The following COL6A5 variants were observed in gnomAD, a reference collection of about 807,000 sequenced individuals.
COL6A5 encodes collagen alpha-5(VI) chain.
Under a neutral mutation model 65.6 loss-of-function variants are expected in COL6A5, and 48 were observed. That is an observed-to-expected ratio of 0.73 (90% CI 0.58 to 0.93). COL6A5 has a LOEUF of 0.93. Among genes scored for constraint, COL6A5 ranks in the 40% least tolerant of loss-of-function variants. The pLI is 0.00. For missense variants in COL6A5, 914 were observed against 928.3 expected (o/e 0.98, Z 0.20); for synonymous variants, 291 against 322.8 (o/e 0.90, Z 1.05).
intron 3 of COL6A5, among the ~76,000 whole-genome samples, chr3:130,378,196 C>T (rs1935857405): frequency 6.6e-6 from 1 of 152,100 alleles, no homozygotes; most frequent in Admixed American, 6.5e-5. Flanking sequence ...CTCTTCAATA[C>T]TCAGTAGTTT....
intron 16 of COL6A5, 23 bp downstream of exon 16, chr3:130,406,198 T>G (rs1418577889): frequency 6.5e-7 from 1 of 1,550,258 alleles, no homozygotes; most frequent in African/African-American, 1.4e-5. Context: ...TCTTCAAGTA[T>G]CATAAAACTG....
At chr3:130,388,849 C>A (rs1936291829) in exon 6 of COL6A5, 2 of 1,551,350 alleles carry the variant, frequency 1.3e-6, no homozygotes, top group Non-Finnish European at 1.7e-6. Flanking sequence ...TGGAAAGGCA[C>A]TAAATTTTGT....
chr3:130,472,297 T>C (rs1324147569), intron 7 of COL6A5, among the ~76,000 whole-genome samples: 3 of 151,940 alleles, frequency 2.0e-5, no homozygotes, highest in African/African-American at 7.2e-5. Flanking sequence ...CGAGATCTGC[T>C]CTCTCCCTTA....
intron 6 of COL6A5, among the ~76,000 whole-genome samples, 168 bp from the exon 39 acceptor site, chr3:130,470,703 T>A (rs1358388591): frequency 6.6e-6 from 1 of 152,066 alleles, no homozygotes; most frequent in East Asian, 1.9e-4. Flanking sequence ...CTTCTTGACT[T>A]TGCCAAGAAC....
At chr3:130,443,246 G>A (rs1709227830) in intron 3 of COL6A5, among the ~76,000 whole-genome samples, 2 of 152,108 alleles carry the variant, frequency 1.3e-5, no homozygotes, top group African/African-American at 4.8e-5. Context: ...TGAACAATTT[G>A]AGGAGGTCTG....
chr3:130,405,523 A>G (rs1936955032), intron 13 of COL6A5, 65 bp from the exon 14 acceptor site: 2 of 1,196,402 alleles, frequency 1.7e-6, no homozygotes, highest in Non-Finnish European at 2.4e-6. Context: ...CTCTGTGAAA[A>G]TAAACCACTG....
chr3:130,478,697 G>A (rs1710157747), intron 7 of COL6A5, among the ~76,000 whole-genome samples: 1 of 152,036 alleles, frequency 6.6e-6, no homozygotes, highest in Non-Finnish European at 1.5e-5. Context: ...GGGGTGCAGT[G>A]GGGATTGTCA....
At chr3:130,367,297 G>A (rs1935376807) in intron 1 of COL6A5, among the ~76,000 whole-genome samples, 1 of 152,174 alleles carries the variant, frequency 6.6e-6, no homozygotes, top group Non-Finnish European at 1.5e-5. Context: ...CGGATGTGCT[G>A]TGTAATCCAG....
At chr3:130,385,725 TTGTG>T (rs1048785524) in intron 5 of COL6A5, among the ~76,000 whole-genome samples, 3 of 151,974 alleles carry the variant, frequency 2.0e-5, no homozygotes, top group Non-Finnish European at 4.4e-5. Flanking sequence ...AGTACAGTGT[TTGTG>T]TGTGCACAGG....
At chr3:130,416,600 T>C (rs1937343999) in intron 23 of COL6A5, among the ~76,000 whole-genome samples, 157 bp from the exon 24 acceptor site, 1 of 152,146 alleles carries the variant, frequency 6.6e-6, no homozygotes, top group South Asian at 2.1e-4. Context: ...CTGGTTCAGC[T>C]CTGCCATCTG....
At chr3:130,431,626 G>A in exon 1 of COL6A5, 1 of 1,551,494 alleles carries the variant, frequency 6.4e-7, no homozygotes, top group Non-Finnish European at 8.7e-7. Flanking sequence ...AGTTGCCATG[G>A]TTTCCTATAA....
rs553276272 is a variant in COL6A5, at chr3:130,360,512, C to A, written c.-28-13099C>A. Reference sequence around the variant, plus strand: ...GGGAAACCTTCTGGAAGAATACATCCAAACCAGTAGGAGTTTTATTACGTC... The same window carrying A: ...GGGAAACCTTCTGGAAGAATACATCAAAACCAGTAGGAGTTTTATTACGTC... On this transcript the variant is annotated intron_variant and NMD_transcript_variant, in intron 1 of 41. Transcript: ENST00000312481. Among the ~76,000 whole-genome samples the A allele has an allele frequency of 8.5e-5, 13 of 152,160 alleles. No homozygotes were observed. In the South Asian group the frequency reaches 1.0e-3, roughly 12 times the overall value.
At chr3:130,455,476 G>A (rs1322170123) in exon 5 of COL6A5, 2 of 1,611,620 alleles carry the variant, frequency 1.2e-6, no homozygotes, top group South Asian at 1.1e-5. Context: ...AGCTACAAGA[G>A]GATTTTTTGG....
In COL6A5 at chr3:130,379,378, G is replaced by A. The variant is rs1456897561; in HGVS notation, c.668-40G>A. On this transcript the variant is annotated intron_variant and NMD_transcript_variant, in intron 3 of 41. Coordinates refer to the COL6A5 transcript ENST00000312481. ...AAAGTACCTTTTTCTCTCCGGGCCA[G>A]TGGTTTATACTAATCCTCACACATT... The A allele has an allele frequency of 4.7e-6, 7 of 1,503,412 alleles. No individual in the cohort carries two copies. The East Asian group carries it at 1.7e-4, about 37-fold the overall frequency. 93.1% of individuals were successfully genotyped at this position (1,503,412 alleles called of 1,614,324 possible).
chr3:130,387,141 A>G lies in COL6A5; in HGVS notation c.1862-1439A>G, dbSNP rs144936516. On this transcript the variant is annotated intron_variant and NMD_transcript_variant, in intron 5 of 41. Coordinates refer to the COL6A5 transcript ENST00000312481. ...ACCTTCCATCCATGGAAAGGGAGAAAGGACCAAGGGAGCCTACCACACTCA... is the reference window on the plus strand; with the variant it reads ...ACCTTCCATCCATGGAAAGGGAGAAGGGACCAAGGGAGCCTACCACACTCA... 3.1e-3 allele frequency among the ~76,000 whole-genome samples: 479 copies of G among 152,162 alleles called. 4 individuals are homozygous for G. The highest frequency in any genetic ancestry group is 0.011 in the African/African-American group (449 of 41,540).
intron 5 of COL6A5, among the ~76,000 whole-genome samples, chr3:130,463,841 A>G (rs1263563029): frequency 1.3e-5 from 2 of 152,088 alleles, no homozygotes; most frequent in African/African-American, 4.8e-5. Context: ...CACACCTTTG[A>G]CTAAATTTTA....
intron 29 of COL6A5, among the ~76,000 whole-genome samples, chr3:130,425,656 G>C (rs1338205815): frequency 6.6e-6 from 1 of 152,130 alleles, no homozygotes; most frequent in Non-Finnish European, 1.5e-5. Flanking sequence ...TGGCATTTAT[G>C]AGCTTGTTGT....
intron 1 of COL6A5, among the ~76,000 whole-genome samples, chr3:130,370,487 T>C (rs1453223293): frequency 4.6e-5 from 7 of 152,188 alleles, no homozygotes; most frequent in Non-Finnish European, 1.0e-4. Context: ...GGCTGCCCTA[T>C]TCTATATCCA....
At position 130,398,421 on chromosome 3, in the gene COL6A5, C is replaced by T. The variant is rs565908785; in HGVS notation, c.3991+310C>T. ...CTGGGATTGCAGGCGTGAGCCACCGCGCCCAGCCGAGTTGAAAATTTAAAC... is the reference window on the plus strand; with the variant it reads ...CTGGGATTGCAGGCGTGAGCCACCGTGCCCAGCCGAGTTGAAAATTTAAAC... On this transcript the variant is annotated intron_variant and NMD_transcript_variant, in intron 10 of 41. Transcript: ENST00000312481. 2.0e-4 allele frequency among the ~76,000 whole-genome samples: 31 copies of T among 152,286 alleles called. No homozygotes were observed. The East Asian group carries it at 5.0e-3, about 25-fold the overall frequency.
Sources: gnomAD v4.1 joint callset for allele counts (sites outside exome capture counted in the v4.1 genomes callset) on GRCh38, gnomAD v4.1.1 for gene constraint, MANE v1.5 for transcripts, NCBI Gene and HGNC (gene_info 2026-07-23, HGNC 2026-07-21) for gene names.